Variants in WNT7B observed in about 807,000 individuals in gnomAD.
WNT7B encodes Wnt family member 7B, also known as protein Wnt-7b.
A neutral mutation model predicts 38.2 loss-of-function variants in WNT7B; 19 were observed. That is an observed-to-expected ratio of 0.50 (90% CI 0.35 to 0.73). The LOEUF is 0.73. WNT7B is among the 30% of genes least tolerant of loss of function. WNT7B has a pLI of 0.01. For synonymous variants in WNT7B, 243 were observed against 209.3 expected (o/e 1.16, Z -1.39); for missense variants, 423 against 507.9 (o/e 0.83, Z 1.61).
intron 1 of WNT7B, among the ~76,000 whole-genome samples, chr22:45,957,699 A>AAC (rs1240539158): frequency 6.7e-6 from 1 of 149,822 alleles, no homozygotes; most frequent in Non-Finnish European, 1.5e-5. Flanking sequence ...AAAAAAAAAA[A>AAC]AAAAAAAAAA....
chr22:45,928,897 T>C (rs1184012120), intron 3 of WNT7B, among the ~76,000 whole-genome samples: 3 of 152,000 alleles, frequency 2.0e-5, no homozygotes, highest in Non-Finnish European at 4.4e-5. Flanking sequence ...CCCCATGCCT[T>C]TACCTGTGCT....
chr22:45,940,019 T>G (rs908029884), intron 2 of WNT7B, among the ~76,000 whole-genome samples: 1 of 152,122 alleles, frequency 6.6e-6, no homozygotes, highest in South Asian at 2.1e-4. Flanking sequence ...TCTGGGGTGA[T>G]GAAAATGTTC....
chr22:45,935,828 G>C (rs141303017), intron 2 of WNT7B: 1 of 985,384 alleles, frequency 1.0e-6, no homozygotes, highest in African/African-American at 1.7e-5. Flanking sequence ...TGGCAGTGAC[G>C]AAAGCCATCT....
In WNT7B at chr22:45,966,756, G is replaced by A. The variant is rs1932321271; in HGVS notation, c.71+9928C>T. On this transcript the variant is annotated intron_variant, in intron 1 of 3. Coordinates refer to ENST00000339464, the MANE Select transcript of WNT7B (RefSeq NM_058238.3). The surrounding 1 kb of genome is among the most constrained non-coding windows in gnomAD (Gnocchi z 4.2). Reference sequence around the variant, plus strand: ...CCACCTGCTCCAGCCTGGGGATGGAGGAAGTGTCGATGGCCCTGTGCCAAG... The same window carrying A: ...CCACCTGCTCCAGCCTGGGGATGGAAGAAGTGTCGATGGCCCTGTGCCAAG... Among the ~76,000 whole-genome samples the A allele has an allele frequency of 6.6e-6, 1 of 152,230 alleles. No individual in the cohort carries two copies. The highest frequency in any genetic ancestry group is 2.4e-5 in the African/African-American group (1 of 41,460).
At position 45,976,815 on chromosome 22, in the gene WNT7B, C is replaced by A; in HGVS notation, c.-61G>T. Reference sequence around the variant, plus strand: ...GGCCGGAGGGGACGCGCGGGCCCGGCAGGGCCGGGCAGGGGCCAGGGGGCT... The same window carrying A: ...GGCCGGAGGGGACGCGCGGGCCCGGAAGGGCCGGGCAGGGGCCAGGGGGCT... On this transcript the variant is annotated 5_prime_UTR_variant, in exon 1 of 4. Coordinates refer to ENST00000339464, the MANE Select transcript of WNT7B (RefSeq NM_058238.3). This position sits in a 1 kb window ranked among gnomAD's most constrained non-coding sequence, Gnocchi z 8.5. The A allele has an allele frequency of 1.3e-6, 2 of 1,494,966 alleles. No individual in the cohort carries two copies. The highest frequency in any genetic ancestry group is 2.0e-5 in the Admixed American group (1 of 50,312). The allele number at this position is 1,494,966 out of a possible 1,614,324, so 92.6% of individuals were successfully genotyped here. A position where few individuals can be genotyped will look rare whatever the true frequency, so the allele number is the denominator to read the frequency against.
In WNT7B at chr22:45,969,697, C is replaced by T. The variant is rs969037062; in HGVS notation, c.71+6987G>A. ...CATGCGTCTGGGATTCGGTGTGCAC[C>T]GACCACAGCCCAGGACAGGGAGCTA... On this transcript the variant is annotated intron_variant, in intron 1 of 3. Coordinates refer to ENST00000339464, the MANE Select transcript of WNT7B (RefSeq NM_058238.3). Among the ~76,000 whole-genome samples the T allele has an allele frequency of 3.3e-5, 5 of 152,196 alleles. No individual in the cohort carries two copies. In the East Asian group the frequency reaches 7.7e-4, roughly 23 times the overall value.
intron 2 of WNT7B, among the ~76,000 whole-genome samples, chr22:45,937,821 C>G (rs1601723418): frequency 6.6e-6 from 1 of 152,164 alleles, no homozygotes; most frequent in Non-Finnish European, 1.5e-5. Flanking sequence ...CCCAGCCTGG[C>G]CAACATGGTG....
rs1002989396 is a variant in WNT7B, at chr22:45,965,778, C to T, written c.71+10906G>A. On this transcript the variant is annotated intron_variant, in intron 1 of 3. Transcript: ENST00000339464. This position sits in a 1 kb window ranked among gnomAD's most constrained non-coding sequence, Gnocchi z 6.5. Reference sequence around the variant, plus strand: ...AAGCTAAACTTGGAGGCAGCCCCTGCAACCTTGAGACCCTCGCTCAGGGCC... The same window carrying T: ...AAGCTAAACTTGGAGGCAGCCCCTGTAACCTTGAGACCCTCGCTCAGGGCC... Among the ~76,000 whole-genome samples the T allele has an allele frequency of 1.3e-5, 2 of 152,236 alleles. No individual in the cohort carries two copies. The highest frequency in any genetic ancestry group is 6.5e-5 in the Admixed American group (1 of 15,288).
At chr22:45,935,936 AC>A in intron 2 of WNT7B, 1 of 984,206 alleles carries the variant, frequency 1.0e-6, no homozygotes, top group Non-Finnish European at 1.2e-6. Context: ...CTGCTGGTAC[AC>A]TTGGGTCTCG....
At chr22:45,935,843 T>G in intron 2 of WNT7B, 2 of 985,254 alleles carry the variant, frequency 2.0e-6, no homozygotes, top group Non-Finnish European at 2.4e-6. Context: ...CCATCTGAGC[T>G]CAGCAGCTGC....
chr22:45,959,793 T>C (rs529825926), intron 1 of WNT7B, among the ~76,000 whole-genome samples: 707 of 152,096 alleles, frequency 4.6e-3, no homozygotes, highest in Non-Finnish European at 6.7e-3. Flanking sequence ...AGGGTGGAAG[T>C]AGCCCCCTAC....
At chr22:45,967,278 C>T (rs780283663) in intron 1 of WNT7B, among the ~76,000 whole-genome samples, 8 of 152,186 alleles carry the variant, frequency 5.3e-5, no homozygotes, top group South Asian at 2.1e-4. Flanking sequence ...CAAGGGAGGG[C>T]GCCCGGCCTC....
intron 2 of WNT7B, among the ~76,000 whole-genome samples, chr22:45,943,468 G>A (rs1490344059): frequency 6.6e-6 from 1 of 152,242 alleles, no homozygotes; most frequent in Non-Finnish European, 1.5e-5. Flanking sequence ...GTTTTCCCCA[G>A]CCCTGAGGTG....
intron 2 of WNT7B, among the ~76,000 whole-genome samples, chr22:45,940,161 A>G (rs898199500): frequency 6.6e-6 from 1 of 152,140 alleles, no homozygotes; most frequent in African/African-American, 2.4e-5. Flanking sequence ...CATAGGGCCA[A>G]TGGATGGCTT....
chr22:45,964,866 A>T (rs1440306171), intron 1 of WNT7B, among the ~76,000 whole-genome samples: 1 of 152,142 alleles, frequency 6.6e-6, no homozygotes, highest in Non-Finnish European at 1.5e-5. Flanking sequence ...CACCGCTGCC[A>T]CCAGATGGTC....
At chr22:45,972,116 G>GGGGGGGGGGGGGCCCCCCCC in intron 1 of WNT7B, 1 of 530,744 alleles carries the variant, frequency 1.9e-6, no homozygotes, top group Non-Finnish European at 3.3e-6. Context: ...CCCGGGGGGA[G>GGGGGGGGGGGGGCCCCCCCC]CCCACCCGCC....
intron 2 of WNT7B, among the ~76,000 whole-genome samples, chr22:45,945,433 C>T (rs144644161): frequency 1.2e-4 from 18 of 152,372 alleles, no homozygotes; most frequent in African/African-American, 4.1e-4. Flanking sequence ...CAAAATCTTA[C>T]CATCTCAATA....
intron 1 of WNT7B, among the ~76,000 whole-genome samples, chr22:45,963,884 T>C (rs112892421): frequency 0.013 from 2,053 of 152,246 alleles, 49 homozygotes; most frequent in African/African-American, 0.047. Flanking sequence ...ACACCCTGCC[T>C]GGCTCCTAAA....
At chr22:45,943,239 C>T (rs1931710422) in intron 2 of WNT7B, among the ~76,000 whole-genome samples, 1 of 152,214 alleles carries the variant, frequency 6.6e-6, no homozygotes, top group South Asian at 2.1e-4. Context: ...CCCACCCGGA[C>T]CCCACCCGGG....
Sources: allele counts gnomAD v4.1 joint callset (sites outside exome capture counted in the v4.1 genomes callset), GRCh38; gene constraint gnomAD v4.1.1; non-coding constraint Gnocchi (gnomAD v3.1); transcripts MANE v1.5; gene names NCBI Gene and HGNC (gene_info 2026-07-23, HGNC 2026-07-21).